Variants in NLRP5 observed in about 807,000 individuals in gnomAD.
NLRP5 encodes NACHT, LRR and PYD domains-containing protein 5.
Under a neutral mutation model 113.1 loss-of-function variants are expected in NLRP5, and 93 were observed. That is an observed-to-expected ratio of 0.82 (90% CI 0.70 to 0.98). The LOEUF is 0.98. NLRP5 is among the 50% of genes least tolerant of loss of function. The pLI is 0.00. For synonymous variants in NLRP5, 751 were observed against 600.7 expected (o/e 1.25, Z -3.66); for missense variants, 1,808 against 1,514.3 (o/e 1.19, Z -3.22).
At chr19:56,057,343 A>C (rs548449074) in intron 13 of NLRP5, among the ~76,000 whole-genome samples, 1 of 152,178 alleles carries the variant, frequency 6.6e-6, no homozygotes, top group South Asian at 2.1e-4. Flanking sequence ...TATTATATTC[A>C]ATGAGGTCCC....
chr19:55,997,012 T>C (rs1981347444), upstream of NLRP5, among the ~76,000 whole-genome samples: 1 of 151,778 alleles, frequency 6.6e-6, no homozygotes, highest in African/African-American at 2.4e-5. Flanking sequence ...TTCCTGACTT[T>C]TTAATGATCA....
the NLRP5 span, among the ~76,000 whole-genome samples, chr19:55,989,086 A>C: frequency 2.0e-5 from 3 of 152,230 alleles, no homozygotes; most frequent in Non-Finnish European, 4.4e-5. Context: ...GCAATACAGC[A>C]CATAAACTTC....
chr19:55,992,879 C>G, the NLRP5 span, among the ~76,000 whole-genome samples: 8 of 151,290 alleles, frequency 5.3e-5, no homozygotes, highest in African/African-American at 1.9e-4. Flanking sequence ...AATGAATTTT[C>G]GCTCTTGTTG....
At chr19:56,050,774 A>G (rs1262107202) in intron 12 of NLRP5, among the ~76,000 whole-genome samples, 186 bp downstream of exon 12, 2 of 152,200 alleles carry the variant, frequency 1.3e-5, no homozygotes, top group Admixed American at 6.5e-5. Flanking sequence ...GGAAGGGCCG[A>G]TGGAGCCTCA....
chr19:56,027,867 T>G lies in NLRP5; in HGVS notation c.1634T>G (p.Val545Gly), dbSNP rs1406682974. The change falls in exon 7 of 15, where the codon GTG (valine) becomes GGG (glycine). Residue 545 changes from valine to glycine, a missense_variant. Coordinates refer to ENST00000390649, the MANE Select transcript of NLRP5 (RefSeq NM_153447.4). The stretch of plus-strand genomic sequence containing the variant: ...GAGGGAGTGTGGAATAGGAAGTCAG[T>G]GTTTGACGGTGACGACCTCATGGTT... 1 of 1,613,908 alleles carries G rather than the reference T, an allele frequency of 6.2e-7. No homozygotes were observed. The highest frequency in any genetic ancestry group is 8.5e-7 in the Non-Finnish European group (1 of 1,179,856).
Position 56,027,166 on chromosome 19 carries a change from A to G in NLRP5, c.933A>G (p.Gly311=), listed in dbSNP as rs375051517. The G allele has an allele frequency of 1.7e-4, 271 of 1,605,804 alleles. No individual in the cohort carries two copies. The highest frequency in any genetic ancestry group is 5.0e-4 in the Middle Eastern group (3 of 6,056). Reference sequence around the variant, plus strand: ...GGGCGCAAGGTGGACTCTACCAGGGAATGTTCTCCTACGTCTTCTTCCTCC... The same window carrying G: ...GGGCGCAAGGTGGACTCTACCAGGGGATGTTCTCCTACGTCTTCTTCCTCC... The change falls in exon 7 of 15, where the codon GGA becomes GGG. Residue 311 remains glycine, a synonymous_variant. Coordinates refer to ENST00000390649, the MANE Select transcript of NLRP5 (RefSeq NM_153447.4).
In NLRP5 at chr19:56,027,694, G is replaced by A. The variant is rs761459635; in HGVS notation, c.1461G>A (p.Val487=). 4 of 1,613,268 alleles carry A rather than the reference G, an allele frequency of 2.5e-6. No homozygotes were observed. The Admixed American group carries it at 5.0e-5, about 20-fold the overall frequency. The change falls in exon 7 of 15, where the codon GTG becomes GTA. Residue 487 remains valine (V), a synonymous_variant. Coordinates refer to ENST00000390649, the MANE Select transcript of NLRP5 (RefSeq NM_153447.4). ...TGGCCCTGCAGCTGCAGGACGTGGTGGGGGAGAGCGTCGCCCCCTTCAACC... is the reference window on the plus strand; with the variant it reads ...TGGCCCTGCAGCTGCAGGACGTGGTAGGGGAGAGCGTCGCCCCCTTCAACC...
rs369731586 is a variant in NLRP5 at position 56,027,265 on chromosome 19, G to A, written c.1032G>A (p.Gln344=). ...TCTCCAGGGAGTGGCCAGACTCCCA[G>A]GCTCCGGTGACGGAGATCATGTCCC... Residue 344 remains glutamine, a synonymous_variant, in exon 7 of 15, where the codon CAG becomes CAA. Transcript: ENST00000390649. 66 of 1,612,254 alleles carry A rather than the reference G, an allele frequency of 4.1e-5. No individual in the cohort carries two copies. The highest frequency in any genetic ancestry group is 5.3e-5 in the Non-Finnish European group (63 of 1,179,850).
intron 11 of NLRP5, among the ~76,000 whole-genome samples, chr19:56,050,157 G>A (rs1312983397): frequency 6.6e-6 from 1 of 151,820 alleles, no homozygotes; most frequent in Non-Finnish European, 1.5e-5. Context: ...GTGCATGCCT[G>A]TAATCCCAGC....
At chr19:56,015,656 T>C in intron 3 of NLRP5, 86 bp from the exon 4 acceptor site, 1 of 1,118,066 alleles carries the variant, frequency 8.9e-7, no homozygotes. Flanking sequence ...ATGGCATGAC[T>C]AAGTTTATCT....
intron 10 of NLRP5, among the ~76,000 whole-genome samples, chr19:56,039,979 G>A (rs1208983410): frequency 6.6e-6 from 1 of 152,100 alleles, no homozygotes; most frequent in African/African-American, 2.4e-5. Flanking sequence ...GTTTTGGGGG[G>A]TGGTCTTGCT....
intron 14 of NLRP5, among the ~76,000 whole-genome samples, chr19:56,060,622 A>T (rs1360371609): frequency 6.6e-6 from 1 of 152,162 alleles, no homozygotes; most frequent in Non-Finnish European, 1.5e-5. Flanking sequence ...GAATTCATGG[A>T]TGGACTGAAA....
chr19:55,987,877 G>T, the NLRP5 span: 1 of 1,613,982 alleles, frequency 6.2e-7, no homozygotes, highest in Admixed American at 1.7e-5. Context: ...CCGACTTCAC[G>T]GGAAAAAGTG....
chr19:56,013,942 C>T (rs936717794), intron 3 of NLRP5, among the ~76,000 whole-genome samples: 2 of 152,038 alleles, frequency 1.3e-5, no homozygotes, highest in African/African-American at 4.8e-5. Context: ...TTGGCTACTT[C>T]TGTGTCTTTA....
chr19:56,038,311 G>C (rs1983395868), intron 10 of NLRP5, 116 bp downstream of exon 10: 1 of 1,194,032 alleles, frequency 8.4e-7, no homozygotes. Flanking sequence ...CCAGGGGTGA[G>C]GAAGGAAGTT....
At chr19:56,022,807 C>T (rs1295964202) in intron 6 of NLRP5, among the ~76,000 whole-genome samples, 1 of 152,154 alleles carries the variant, frequency 6.6e-6, no homozygotes, top group Non-Finnish European at 1.5e-5. Flanking sequence ...TCACTGCAAC[C>T]TCCGCCTCCC....
intron 12 of NLRP5, 66 bp downstream of exon 12, chr19:56,050,654 G>A (rs1983900816): frequency 1.3e-6 from 2 of 1,503,070 alleles, no homozygotes; most frequent in Non-Finnish European, 1.8e-6. Context: ...GAAAGGTCAA[G>A]AGATAGGAGC....
At chr19:56,015,618 G>GT in intron 3 of NLRP5, 124 bp from the exon 4 acceptor site, 1 of 659,246 alleles carries the variant, frequency 1.5e-6, no homozygotes, top group African/African-American at 1.8e-5. Context: ...CAGTGGTTCT[G>GT]TGCTCTAAAC....
intron 11 of NLRP5, among the ~76,000 whole-genome samples, chr19:56,045,084 TTTATC>T (rs1379356487): frequency 3.3e-5 from 5 of 152,226 alleles, no homozygotes; most frequent in African/African-American, 1.2e-4. Flanking sequence ...CTTGAATTAT[TTTATC>T]AGTTCTAGGA....
Sources: allele counts gnomAD v4.1 joint callset (sites outside exome capture counted in the v4.1 genomes callset), GRCh38; gene constraint gnomAD v4.1.1; transcripts MANE v1.5; gene names NCBI Gene and HGNC (gene_info 2026-07-23, HGNC 2026-07-21).